Variants in AQP9 observed in about 807,000 individuals in gnomAD.
The protein encoded by AQP9 is aquaporin 9, also known as aquaporin-9.
A neutral mutation model predicts 23.8 loss-of-function variants in AQP9; 19 were observed. That is an observed-to-expected ratio of 0.80 (90% CI 0.56 to 1.17). The LOEUF is 1.17. Among genes scored for constraint, AQP9 ranks in the 50% most tolerant of loss-of-function variants. The probability of loss-of-function intolerance (pLI) is 0.00; values close to 1 mark genes in which losing one functional copy is unlikely to be tolerated. For missense variants in AQP9, 413 were observed against 362.0 expected (o/e 1.14, Z -1.14); for synonymous variants, 153 against 131.5 (o/e 1.16, Z -1.12).
intron 1 of AQP9, among the ~76,000 whole-genome samples, chr15:58,148,034 T>G (rs1327141999): frequency 6.6e-6 from 1 of 152,166 alleles, no homozygotes; most frequent in African/African-American, 2.4e-5. Context: ...TTTCTTATAT[T>G]TTATAGTATA....
intron 1 of AQP9, among the ~76,000 whole-genome samples, chr15:58,143,503 G>A (rs892553121): frequency 6.6e-6 from 1 of 152,350 alleles, no homozygotes; most frequent in South Asian, 2.1e-4. Context: ...AAGCAAGTGT[G>A]TGGTGGAGCT....
intron 1 of AQP9, among the ~76,000 whole-genome samples, chr15:58,145,033 A>T (rs911494496): frequency 3.3e-5 from 5 of 150,308 alleles, no homozygotes; most frequent in Non-Finnish European, 5.9e-5. Context: ...AAAAAAAAAA[A>T]GATAAAAGAA....
chr15:58,162,787 T>C (rs1408292453), intron 1 of AQP9, among the ~76,000 whole-genome samples: 4 of 152,192 alleles, frequency 2.6e-5, no homozygotes, highest in African/African-American at 4.8e-5. Context: ...AACCGTGAGA[T>C]GCATGAATAT....
chr15:58,159,907 G>A (rs1162665949), intron 1 of AQP9, among the ~76,000 whole-genome samples: 2 of 152,142 alleles, frequency 1.3e-5, no homozygotes, highest in Non-Finnish European at 2.9e-5. Flanking sequence ...CATTAATCTG[G>A]TTTGTGGGCA....
intron 1 of AQP9, among the ~76,000 whole-genome samples, chr15:58,162,626 G>A (rs1163956711): frequency 1.3e-5 from 2 of 152,190 alleles, no homozygotes; most frequent in Non-Finnish European, 2.9e-5. Flanking sequence ...GTATAACTGA[G>A]AGATGGCATG....
rs146908414 is a variant in AQP9, at chr15:58,168,300, G to C, written c.238+1501G>C. Among the ~76,000 whole-genome samples the C allele has an allele frequency of 5.1e-3, 773 of 152,128 alleles. 3 individuals carry two copies. The highest frequency in any genetic ancestry group is 0.018 in the African/African-American group (746 of 41,494). On this transcript the variant is annotated intron_variant, in intron 2 of 5. Transcript: ENST00000219919. ...CTTGCCTCAGCCTCCCAAAGTGCTAGGATTACAGGCATGAGCCACCACACC... is the reference window on the plus strand; with the variant it reads ...CTTGCCTCAGCCTCCCAAAGTGCTACGATTACAGGCATGAGCCACCACACC...
intron 1 of AQP9, among the ~76,000 whole-genome samples, chr15:58,163,450 T>C (rs1898427265): frequency 6.6e-6 from 1 of 151,978 alleles, no homozygotes; most frequent in Admixed American, 6.5e-5. Flanking sequence ...ACATCCACAA[T>C]GTTAATATGG....
intron 1 of AQP9, among the ~76,000 whole-genome samples, chr15:58,144,712 T>A (rs1370376178): frequency 6.6e-6 from 1 of 151,834 alleles, no homozygotes. Flanking sequence ...ACAAGAAAAA[T>A]TTCTTTAAAA....
intron 4 of AQP9, 37 bp from the exon 5 acceptor site, chr15:58,179,091 G>T: frequency 6.9e-7 from 1 of 1,451,962 alleles, no homozygotes; most frequent in Admixed American, 1.7e-5. Context: ...TGAGCAGAAT[G>T]CAGGCTAAAG....
chr15:58,170,565 C>A (rs1424843223), intron 2 of AQP9, among the ~76,000 whole-genome samples: 1 of 151,956 alleles, frequency 6.6e-6, no homozygotes. Context: ...CCACTATGCC[C>A]AGCAAATTTT....
chr15:58,174,963 A>G lies in AQP9; in HGVS notation c.422A>G (p.Glu141Gly). 6.2e-7 allele frequency: 1 copy of G among 1,614,190 alleles called. No homozygotes were observed. The highest frequency in any genetic ancestry group is 8.5e-7 in the Non-Finnish European group (1 of 1,179,994). ...GGTGGAAAACTGCTGATCGTGGGAG[A>G]AAATGCAACAGCACACATTTTTGCA... is the stretch of plus-strand genomic sequence containing the variant. ...FAGGKLLIVG[E>G]NATAHIFATY... The change falls in exon 4 of 6, where the codon GAA (glutamate) becomes GGA (glycine). Residue 141 changes from glutamate (E) to glycine (G), a missense_variant. Physicochemically the swap from Glu to Gly is moderately conservative, Grantham distance 98. Coordinates refer to ENST00000219919, the MANE Select transcript of AQP9 (RefSeq NM_020980.5).
chr15:58,142,237 G>A (rs912352881), intron 1 of AQP9, among the ~76,000 whole-genome samples: 1 of 152,170 alleles, frequency 6.6e-6, no homozygotes, highest in Admixed American at 6.5e-5. Flanking sequence ...AAAGGAGAGC[G>A]ATCAACTGCA....
chr15:58,144,529 TTTG>T (rs1445621033), intron 1 of AQP9, among the ~76,000 whole-genome samples: 1 of 152,176 alleles, frequency 6.6e-6, no homozygotes, highest in South Asian at 2.1e-4. Flanking sequence ...GAGAACATTG[TTTG>T]TTGTTGTTGT....
chr15:58,172,173 C>T (rs1404702590), intron 2 of AQP9, among the ~76,000 whole-genome samples: 1 of 152,226 alleles, frequency 6.6e-6, no homozygotes, highest in Non-Finnish European at 1.5e-5. Flanking sequence ...CTTCCATTTA[C>T]TGACCATGTA....
chr15:58,152,708 C>T (rs1200253913), intron 1 of AQP9: 3 of 152,104 alleles, frequency 2.0e-5, no homozygotes, highest in African/African-American at 7.2e-5. Context: ...ACCCATACTA[C>T]GTAAAAATAT....
rs2140638621 is a variant in AQP9, at chr15:58,183,356, A to G, written c.714-605A>G. Among the ~76,000 whole-genome samples the G allele has an allele frequency of 1.3e-5, 2 of 152,358 alleles. 1 individual carries two copies. Among genetic ancestry groups the G allele is most frequent in the South Asian group, 4.1e-4 (2 of 4,830 alleles). Reference sequence around the variant, plus strand: ...CAGAACTATAGCTTTGCTGTAATGTACTAACATTGAGGATTTCTGGAAGAG... The same window carrying G: ...CAGAACTATAGCTTTGCTGTAATGTGCTAACATTGAGGATTTCTGGAAGAG... On this transcript the variant is annotated intron_variant, in intron 5 of 5. Coordinates refer to ENST00000219919, the MANE Select transcript of AQP9 (RefSeq NM_020980.5).
rs1187591806 is a variant in AQP9, at chr15:58,148,218, G to GA, written c.111+9549dup. Among the ~76,000 whole-genome samples the GA allele has an allele frequency of 1.1e-4, 17 of 152,134 alleles. No individual in the cohort carries two copies. The East Asian group carries it at 1.4e-3, about 12-fold the overall frequency. On this transcript the variant is annotated intron_variant, in intron 1 of 5. Transcript: ENST00000219919. ...CAAAAGATGCAAACAAGAATTAAGT[G>GA]AAAAAAATACATGTGGTCCTTCCCA...
intron 4 of AQP9, among the ~76,000 whole-genome samples, chr15:58,178,039 C>A (rs1397521275): frequency 6.6e-6 from 1 of 152,086 alleles, no homozygotes; most frequent in Non-Finnish European, 1.5e-5. Context: ...CTAAACAATA[C>A]CGTATTCACA....
intron 1 of AQP9, chr15:58,150,170 A>C (rs1443488285): frequency 1.3e-5 from 2 of 152,628 alleles, no homozygotes; most frequent in African/African-American, 2.4e-5. Flanking sequence ...CCTGTCTCAG[A>C]GGGGCATTTG....
Sources: gnomAD v4.1 joint callset for allele counts (sites outside exome capture counted in the v4.1 genomes callset) on GRCh38, gnomAD v4.1.1 for gene constraint, MANE v1.5 for transcripts, NCBI Gene and HGNC (gene_info 2026-07-23, HGNC 2026-07-21) for gene names.